The following LRBA variants were observed in gnomAD, a reference collection of about 807,000 sequenced individuals.
LRBA encodes the protein LPS responsive beige-like anchor protein.
Under a neutral mutation model 330.0 loss-of-function variants are expected in LRBA, and 176 were observed. The observed-to-expected ratio is 0.53, with a 90% confidence interval of 0.47 to 0.60. LRBA has a LOEUF of 0.60. Among genes scored for constraint, LRBA ranks in the 20% least tolerant of loss-of-function variants. The pLI is 0.00. For missense variants in LRBA, 3,259 were observed against 3,444.8 expected (o/e 0.95, Z 1.35); for synonymous variants, 1,230 against 1,193.0 (o/e 1.03, Z -0.64).
chr4:150,534,363 TAA>T (rs1444747197), intron 40 of LRBA, among the ~76,000 whole-genome samples: 1 of 148,192 alleles, frequency 6.7e-6, no homozygotes, highest in East Asian at 2.0e-4. Context: ...ATAATAATAA[TAA>T]TAATAATAAT....
At chr4:150,415,910 T>A (rs1043472045) in intron 46 of LRBA, among the ~76,000 whole-genome samples, 1 of 152,212 alleles carries the variant, frequency 6.6e-6, no homozygotes, top group African/African-American at 2.4e-5. Flanking sequence ...TAAATTACCA[T>A]GCTATAACAA....
intron 9 of LRBA, 53 bp downstream of exon 9, chr4:150,914,142 T>A: frequency 1.4e-6 from 2 of 1,466,422 alleles, no homozygotes; most frequent in East Asian, 4.6e-5. Context: ...ATAACCCACC[T>A]TCAAATCAAG....
intron 2 of LRBA, among the ~76,000 whole-genome samples, chr4:151,003,046 G>GTGTGTC (rs1491191432): frequency 3.0e-4 from 2 of 6,608 alleles, no homozygotes; most frequent in African/African-American, 3.8e-4. Context: ...ATGTGTTTGC[G>GTGTGTC]TGTGTGTGTG....
chr4:150,882,851 A>T (rs1318196563), intron 17 of LRBA, among the ~76,000 whole-genome samples: 1 of 152,222 alleles, frequency 6.6e-6, no homozygotes, highest in Non-Finnish European at 1.5e-5. Flanking sequence ...AGGAAGGATA[A>T]GTCTTCCAAG....
chr4:150,634,477 A>G (rs981349641), intron 37 of LRBA, among the ~76,000 whole-genome samples: 12 of 152,202 alleles, frequency 7.9e-5, no homozygotes, highest in Non-Finnish European at 1.8e-4. Flanking sequence ...ATCTTATTCA[A>G]TGAACAAGAT....
intron 36 of LRBA, among the ~76,000 whole-genome samples, chr4:150,727,067 G>GTTTTTTTTT (rs34671398): frequency 3.5e-4 from 28 of 79,526 alleles, no homozygotes; most frequent in South Asian, 6.1e-4. Flanking sequence ...ACATTTCGTT[G>GTTTTTTTTT]TTTTTTTTTT....
Position 150,277,894 on chromosome 4 carries a change from A to G in LRBA, c.8427T>C (p.Cys2809=), listed in dbSNP as rs2126742058. 1.9e-6 allele frequency: 3 copies of G among 1,614,012 alleles called. No individual in the cohort carries two copies. The highest frequency in any genetic ancestry group is 2.5e-6 in the Non-Finnish European group (3 of 1,180,000). The part of the protein sequence containing the change: ...DLKQLFAYPG[C]DAGIRAMALS... Reference sequence around the variant, plus strand: ...GCGCCATGGCCCGGATTCCAGCGTCACATCCTGGATAGGCAAAGAGCTGCT... The same window carrying G: ...GCGCCATGGCCCGGATTCCAGCGTCGCATCCTGGATAGGCAAAGAGCTGCT... Residue 2809 remains cysteine, a synonymous_variant, in exon 56 of 57, where the codon TGT becomes TGC. Transcript: ENST00000651943.
chr4:150,629,482 T>C (rs1366202940), intron 37 of LRBA, among the ~76,000 whole-genome samples: 1 of 150,574 alleles, frequency 6.6e-6, no homozygotes, highest in African/African-American at 2.5e-5. Flanking sequence ...CTACTAAAAA[T>C]ACAAAAATTA....
intron 53 of LRBA, among the ~76,000 whole-genome samples, chr4:150,298,563 A>G (rs1729252714): frequency 6.6e-6 from 1 of 152,146 alleles, no homozygotes; most frequent in African/African-American, 2.4e-5. Context: ...AGTACTTTAA[A>G]AAACAGCTCT....
chr4:150,530,233 G>A (rs1276124210), intron 40 of LRBA, among the ~76,000 whole-genome samples: 3 of 151,668 alleles, frequency 2.0e-5, no homozygotes. Context: ...TCTCTAAGAA[G>A]ATACAAAAGT....
At chr4:150,872,878 T>C (rs1028928253) in intron 17 of LRBA, 123 bp from the exon 18 acceptor site, 5 of 470,358 alleles carry the variant, frequency 1.1e-5, no homozygotes, top group African/African-American at 4.1e-5. Context: ...AAATTTAATA[T>C]AGATTTCTGT....
At chr4:150,625,707 AATT>A (rs1014855805) in intron 37 of LRBA, among the ~76,000 whole-genome samples, 1 of 146,480 alleles carries the variant, frequency 6.8e-6, no homozygotes, top group Non-Finnish European at 1.5e-5. Flanking sequence ...ATATATATAT[AATT>A]ATTATTATTT....
intron 13 of LRBA, 85 bp downstream of exon 13, chr4:150,905,753 A>G: frequency 8.0e-7 from 1 of 1,248,886 alleles, no homozygotes; most frequent in East Asian, 2.3e-5. Context: ...ACATAAAAAA[A>G]AGAAAATCCT....
At chr4:150,961,146 A>C (rs891689) in intron 2 of LRBA, among the ~76,000 whole-genome samples, 119,271 of 148,536 alleles carry the variant, frequency 0.8, 52,278 homozygotes, top group Non-Finnish European at 0.95. Context: ...GATGAGATTC[A>C]GCTGTGGGTG....
intron 35 of LRBA, among the ~76,000 whole-genome samples, chr4:150,759,205 T>C (rs992293423): frequency 6.6e-6 from 1 of 152,202 alleles, no homozygotes; most frequent in Non-Finnish European, 1.5e-5. Context: ...TGTGAGCCAC[T>C]GTGCCCATCC....
At chr4:150,650,903 G>T (rs1779645035) in intron 37 of LRBA, among the ~76,000 whole-genome samples, 1 of 152,062 alleles carries the variant, frequency 6.6e-6, no homozygotes, top group Admixed American at 6.6e-5. Flanking sequence ...AAACCATCAT[G>T]TCTATTATTA....
intron 40 of LRBA, among the ~76,000 whole-genome samples, chr4:150,574,048 A>G (rs1352800924): frequency 6.6e-6 from 1 of 152,124 alleles, no homozygotes; most frequent in Non-Finnish European, 1.5e-5. Flanking sequence ...TGTCCAAAAC[A>G]TTGACAGTCC....
intron 40 of LRBA, among the ~76,000 whole-genome samples, chr4:150,495,029 C>T (rs1006844986): frequency 1.3e-5 from 2 of 151,716 alleles, no homozygotes; most frequent in Non-Finnish European, 2.9e-5. Context: ...GAGGTAAGCT[C>T]CATGTACCTA....
intron 47 of LRBA, among the ~76,000 whole-genome samples, chr4:150,372,702 A>T (rs1476111371): frequency 2.3e-5 from 2 of 86,726 alleles, no homozygotes; most frequent in Admixed American, 1.1e-4. Flanking sequence ...TGTAAAAACA[A>T]TATGTTCCTT....
Sources: allele counts gnomAD v4.1 joint callset (sites outside exome capture counted in the v4.1 genomes callset), GRCh38; gene constraint gnomAD v4.1.1; transcripts MANE v1.5; gene names NCBI Gene and HGNC (gene_info 2026-07-23, HGNC 2026-07-21).